Variants in CA10 observed in about 807,000 individuals in gnomAD.
CA10 encodes the protein carbonic anhydrase-related protein 10.
A neutral mutation model predicts 44.2 loss-of-function variants in CA10; 14 were observed. That is an observed-to-expected ratio of 0.32 (90% CI 0.21 to 0.50). CA10 has a LOEUF of 0.50. CA10 is among the 20% of genes least tolerant of loss of function. CA10 has a pLI of 0.99. For missense variants in CA10, 350 were observed against 409.7 expected, an observed-to-expected ratio of 0.85 and a Z score of 1.26; for synonymous variants, 159 against 141.6, an observed-to-expected ratio of 1.12 and a Z score of -0.87.
intron 3 of CA10, among the ~76,000 whole-genome samples, chr17:51,849,185 A>G (rs1159397822): frequency 6.1e-4 from 33 of 54,526 alleles, no homozygotes; most frequent in East Asian, 1.2e-3. Context: ...ACATATATGT[A>G]TATATATATA....
chr17:51,663,674 C>T lies in CA10; in HGVS notation c.466-9938G>A, dbSNP rs1188878853. ...ATAAAGGAGGCTTCAAATGCAGTGC[C>T]TGGCACAAAGTAAGCCCTCATTAAA... On this transcript the variant is annotated intron_variant, in intron 4 of 8. Coordinates refer to ENST00000451037, the MANE Select transcript of CA10 (RefSeq NM_020178.5). Among the ~76,000 whole-genome samples, 4 of 152,146 alleles carry T rather than the reference C, an allele frequency of 2.6e-5. No individual in the cohort carries two copies. The East Asian group carries it at 5.8e-4, about 22-fold the overall frequency.
In CA10 at chr17:52,055,785, T is replaced by C. The variant is rs79614436; in HGVS notation, c.136+16534A>G. On this transcript the variant is annotated intron_variant, in intron 2 of 8. Coordinates refer to ENST00000451037, the MANE Select transcript of CA10 (RefSeq NM_020178.5). ...GGCAGTGTCTGAATATAAAACTCTT[T>C]TAAATGAGGCATAATTCTGGGCAAC... is the stretch of plus-strand genomic sequence containing the variant. Among the ~76,000 whole-genome samples, 1,412 of 152,224 alleles carry C rather than the reference T, an allele frequency of 9.3e-3. 21 individuals are homozygous for C. The highest frequency in any genetic ancestry group is 0.032 in the African/African-American group (1,338 of 41,546).
rs151244195 is a variant in CA10 at position 51,980,122 on chromosome 17, G to T, written c.137-48990C>A. On this transcript the variant is annotated intron_variant, in intron 2 of 8. Coordinates refer to ENST00000451037, the MANE Select transcript of CA10 (RefSeq NM_020178.5). ...AATCCTCATACTGCTTTCCACAATG[G>T]TTGAACTAATTTACACCCCCACCAA... Among the ~76,000 whole-genome samples the T allele has an allele frequency of 1.5e-3, 234 of 152,230 alleles. 2 individuals are homozygous for T. The highest frequency in any genetic ancestry group is 0.013 in the Admixed American group (202 of 15,262).
At chr17:52,140,743 A>G (rs1022119273) in intron 1 of CA10, among the ~76,000 whole-genome samples, 33 of 152,156 alleles carry the variant, frequency 2.2e-4, no homozygotes, top group African/African-American at 7.7e-4. Flanking sequence ...AGCTCCTGTG[A>G]GCCCTGTAGG....
chr17:51,978,399 T>A (rs1984535528), intron 2 of CA10, among the ~76,000 whole-genome samples: 1 of 151,734 alleles, frequency 6.6e-6, no homozygotes, highest in African/African-American at 2.4e-5. Flanking sequence ...TGTGTGTGTG[T>A]GTGTGTGTGT....
chr17:51,966,629 T>C (rs1463940853), intron 2 of CA10, among the ~76,000 whole-genome samples: 1 of 151,800 alleles, frequency 6.6e-6, no homozygotes, highest in Non-Finnish European at 1.5e-5. Flanking sequence ...CAATAAATAG[T>C]CCTGGGATAG....
At chr17:51,756,591 T>C (rs1905087933) in intron 3 of CA10, among the ~76,000 whole-genome samples, 1 of 149,892 alleles carries the variant, frequency 6.7e-6, no homozygotes, top group South Asian at 2.2e-4. Context: ...TGCTTCAGCC[T>C]CCGGAGTAGC....
intron 3 of CA10, among the ~76,000 whole-genome samples, chr17:51,875,934 C>T (rs1215619665): frequency 1.3e-5 from 2 of 152,144 alleles, no homozygotes; most frequent in Non-Finnish European, 2.9e-5. Flanking sequence ...GAGTCAGTTT[C>T]CTTGACTTAG....
chr17:51,905,266 T>G (rs1357466088), intron 3 of CA10, among the ~76,000 whole-genome samples: 5 of 152,148 alleles, frequency 3.3e-5, no homozygotes, highest in African/African-American at 1.2e-4. Flanking sequence ...TAGGAGTCTT[T>G]GCGCAAAAGG....
At chr17:51,657,196 A>G (rs1202052670) in intron 4 of CA10, among the ~76,000 whole-genome samples, 1 of 152,212 alleles carries the variant, frequency 6.6e-6, no homozygotes, top group Non-Finnish European at 1.5e-5. Context: ...ATCTAGGAGC[A>G]ACAGAAGAGC....
rs545233700 is a variant in CA10 at position 51,905,032 on chromosome 17, A to G, written c.279+25958T>C. 2.0e-5 allele frequency among the ~76,000 whole-genome samples: 3 copies of G among 152,320 alleles called. No individual in the cohort carries two copies. In the South Asian group the frequency reaches 6.2e-4, roughly 32 times the overall value. ...AGGTGGCTGCTTCGTTTGCTCTCAC[A>G]TTCAGCACGATAGATAATTGTAAGG... On this transcript the variant is annotated intron_variant, in intron 3 of 8. Transcript: ENST00000451037.
At chr17:52,145,313 G>C (rs1260492180) in intron 1 of CA10, among the ~76,000 whole-genome samples, 1 of 152,142 alleles carries the variant, frequency 6.6e-6, no homozygotes, top group Admixed American at 6.5e-5. Context: ...ACAACTTTCT[G>C]TAAAAGTCTC....
chr17:51,961,806 G>A (rs909939172), intron 2 of CA10, among the ~76,000 whole-genome samples: 2 of 152,208 alleles, frequency 1.3e-5, no homozygotes, highest in African/African-American at 4.8e-5. Flanking sequence ...CCCTTACTGT[G>A]CGTAGATTCT....
At chr17:52,113,237 A>G (rs1456173819) in intron 1 of CA10, among the ~76,000 whole-genome samples, 2 of 152,248 alleles carry the variant, frequency 1.3e-5, no homozygotes, top group Non-Finnish European at 2.9e-5. Context: ...TCTGTAAGGT[A>G]GGAATGTAAA....
At chr17:51,843,548 G>T (rs770060228) in intron 3 of CA10, among the ~76,000 whole-genome samples, 2 of 152,064 alleles carry the variant, frequency 1.3e-5, no homozygotes, top group Non-Finnish European at 2.9e-5. Context: ...TGGAATCAAG[G>T]TACCAGATCT....
chr17:51,715,378 A>C (rs1177499752), intron 4 of CA10, among the ~76,000 whole-genome samples: 3 of 152,128 alleles, frequency 2.0e-5, no homozygotes, highest in East Asian at 1.9e-4. Context: ...TTTAAAAAAA[A>C]CCAAAAAACA....
chr17:51,650,034 A>C (rs1567789025), intron 5 of CA10, among the ~76,000 whole-genome samples: 1 of 152,136 alleles, frequency 6.6e-6, no homozygotes, highest in Non-Finnish European at 1.5e-5. Context: ...ATATTTGCAG[A>C]GGGTCTATTA....
intron 3 of CA10, among the ~76,000 whole-genome samples, chr17:51,889,083 G>A (rs945783221): frequency 1.3e-5 from 2 of 152,146 alleles, no homozygotes; most frequent in Non-Finnish European, 2.9e-5. Context: ...CTTGGGCATG[G>A]TGGCTGAATT....
rs1979801351 is a variant in CA10 at position 51,871,355 on chromosome 17, C to T, written c.279+59635G>A. 2.0e-5 allele frequency among the ~76,000 whole-genome samples: 3 copies of T among 151,268 alleles called. No individual in the cohort carries two copies. The South Asian group carries it at 6.3e-4, about 32-fold the overall frequency. ...CAAGCGATTCTCCTGCCTCAGCCTC[C>T]CGAATAGCTGGGATTACAGGTGCCC... On this transcript the variant is annotated intron_variant, in intron 3 of 8. Coordinates refer to ENST00000451037, the MANE Select transcript of CA10 (RefSeq NM_020178.5).
Sources: gnomAD v4.1 joint callset for allele counts (sites outside exome capture counted in the v4.1 genomes callset) on GRCh38, gnomAD v4.1.1 for gene constraint, MANE v1.5 for transcripts, NCBI Gene and HGNC (gene_info 2026-07-23, HGNC 2026-07-21) for gene names.